Variants in FOXN3 observed in about 807,000 individuals in gnomAD.
FOXN3 encodes the protein forkhead box N3.
Under a neutral mutation model 38.4 loss-of-function variants are expected in FOXN3, and 7 were observed. The observed-to-expected ratio is 0.18, with a 90% CI of 0.10 to 0.34. The LOEUF (loss-of-function observed/expected upper bound fraction) is 0.34. Among genes scored for constraint, FOXN3 ranks in the 10% least tolerant of loss-of-function variants. The pLI is 1.00. For missense variants in FOXN3, 456 were observed against 613.4 expected (o/e 0.74, Z 2.71); for synonymous variants, 230 against 242.2 (o/e 0.95, Z 0.47).
intron 3 of FOXN3, among the ~76,000 whole-genome samples, chr14:89,302,521 A>G (rs1272428334): frequency 6.6e-6 from 1 of 152,190 alleles, no homozygotes; most frequent in Admixed American, 6.5e-5. Flanking sequence ...CATAACCCGA[A>G]AAACCTTAGC....
exon 1 of FOXN3, chr14:89,619,040 G>GC (rs963432730): frequency 3.2e-4 from 49 of 152,290 alleles, no homozygotes; most frequent in Middle Eastern, 6.9e-3. Context: ...TCGATCGCCT[G>GC]CCCCCCCGCT....
intron 4 of FOXN3, among the ~76,000 whole-genome samples, chr14:89,213,880 G>A (rs755305008): frequency 6.6e-6 from 1 of 152,130 alleles, no homozygotes; most frequent in African/African-American, 2.4e-5. Context: ...TTAAGCTATT[G>A]TTTCTTCTAA....
chr14:89,281,973 C>G (rs1886477735), intron 3 of FOXN3, among the ~76,000 whole-genome samples: 1 of 152,154 alleles, frequency 6.6e-6, no homozygotes, highest in Non-Finnish European at 1.5e-5. Flanking sequence ...CAGAAACACA[C>G]ACGCACACAC....
intron 2 of FOXN3, among the ~76,000 whole-genome samples, chr14:89,396,424 A>C (rs1285680111): frequency 1.3e-5 from 2 of 152,246 alleles, no homozygotes; most frequent in East Asian, 3.8e-4. Flanking sequence ...TGGACCCCAG[A>C]TTCTTCATGT....
rs184559136 is a variant in FOXN3, at chr14:89,203,477, G to A, written c.746-22671C>T. Among the ~76,000 whole-genome samples the A allele has an allele frequency of 1.9e-3, 294 of 152,322 alleles. 3 individuals carry two copies. Among genetic ancestry groups the A allele is most frequent in the Non-Finnish European group, 2.0e-3 (137 of 68,022 alleles). On this transcript the variant is annotated intron_variant, in intron 4 of 5. Transcript: ENST00000557258. ...ATAGTGCCCTGTGTCTGTGGCACCC[G>A]AGGGAGGCTGTCTGCCAGGCTAGGT...
At position 89,163,029 on chromosome 14, in the gene FOXN3, C is replaced by T; in HGVS notation, c.852-60G>A. 1.4e-6 allele frequency: 2 copies of T among 1,438,336 alleles called. No homozygotes were observed. Among genetic ancestry groups the T allele is most frequent in the South Asian group, 1.5e-5 (1 of 67,242 alleles). 89.1% of individuals were successfully genotyped at this position (1,438,336 alleles called of 1,614,324 possible). On this transcript the variant is annotated intron_variant, in intron 5 of 5. Coordinates refer to ENST00000557258, the MANE Select transcript of FOXN3 (RefSeq NM_005197.4). The surrounding 1 kb of genome is among the most constrained non-coding windows in gnomAD (Gnocchi z 4.3). ...CAAAGAAGGGACACAGTTAGACGTC[C>T]TCAGATGGGGGCACCCGGCAGCCCG...
intron 4 of FOXN3, among the ~76,000 whole-genome samples, chr14:89,182,989 C>T (rs1192882709): frequency 6.6e-6 from 1 of 152,144 alleles, no homozygotes; most frequent in Non-Finnish European, 1.5e-5. Flanking sequence ...AATGTAGGAA[C>T]TAAAACGATA....
intron 2 of FOXN3, among the ~76,000 whole-genome samples, chr14:89,406,740 G>A (rs1238251732): frequency 6.6e-6 from 1 of 151,204 alleles, no homozygotes; most frequent in Non-Finnish European, 1.5e-5. Flanking sequence ...ACCCTTTGAT[G>A]ACAATGTTTT....
intron 3 of FOXN3, among the ~76,000 whole-genome samples, chr14:89,302,187 T>C (rs1222787180): frequency 2.6e-5 from 4 of 152,218 alleles, no homozygotes; most frequent in Admixed American, 6.5e-5. Flanking sequence ...AGAAAAACTA[T>C]AGAAACATCT....
chr14:89,531,022 CACAT>C (rs1453859885), intron 1 of FOXN3, among the ~76,000 whole-genome samples: 3 of 147,024 alleles, frequency 2.0e-5, no homozygotes, highest in African/African-American at 7.4e-5. Context: ...ATAATATCTA[CACAT>C]ATATAATATA....
intron 1 of FOXN3, among the ~76,000 whole-genome samples, chr14:89,572,861 C>T (rs927213061): frequency 1.3e-5 from 2 of 152,256 alleles, no homozygotes; most frequent in African/African-American, 4.8e-5. Flanking sequence ...GGGGCCCCAG[C>T]TTGGCCTTCC....
chr14:89,466,772 C>T, intron 1 of FOXN3, among the ~76,000 whole-genome samples: 1 of 152,166 alleles, frequency 6.6e-6, no homozygotes, highest in Admixed American at 6.5e-5. Flanking sequence ...GTACCACTCC[C>T]TTTGGGTTTT....
chr14:89,400,360 T>C (rs1891214503), intron 2 of FOXN3, among the ~76,000 whole-genome samples: 1 of 152,212 alleles, frequency 6.6e-6, no homozygotes, highest in Non-Finnish European at 1.5e-5. Context: ...CTATGCACTG[T>C]GTTTCAGATT....
chr14:89,201,350 G>A (rs748695339), intron 4 of FOXN3, among the ~76,000 whole-genome samples: 20 of 152,160 alleles, frequency 1.3e-4, no homozygotes, highest in Non-Finnish European at 2.5e-4. Context: ...GATTAATGCC[G>A]AAGCCCTCTA....
At chr14:89,440,794 G>C (rs1566657244) in intron 1 of FOXN3, among the ~76,000 whole-genome samples, 1 of 152,190 alleles carries the variant, frequency 6.6e-6, no homozygotes, top group East Asian at 1.9e-4. Flanking sequence ...TCACACAGAT[G>C]CCATGAAAAG....
intron 1 of FOXN3, among the ~76,000 whole-genome samples, chr14:89,553,238 C>CAAAAAAA (rs146581490): frequency 3.8e-5 from 3 of 79,034 alleles, no homozygotes; most frequent in Admixed American, 1.8e-4. Flanking sequence ...GACCCTGTCC[C>CAAAAAAA]AAAAAAAAAA....
At chr14:89,491,670 T>A (rs1420382308) in intron 1 of FOXN3, among the ~76,000 whole-genome samples, 4 of 152,366 alleles carry the variant, frequency 2.6e-5, no homozygotes, top group Admixed American at 6.5e-5. Context: ...AGACTCCAGA[T>A]GAGCTCTGCC....
At chr14:89,555,306 T>C (rs565018083) in intron 1 of FOXN3, among the ~76,000 whole-genome samples, 1 of 152,344 alleles carries the variant, frequency 6.6e-6, no homozygotes, top group African/African-American at 2.4e-5. Flanking sequence ...GCAATTAATA[T>C]GATCAATTTG....
intron 2 of FOXN3, among the ~76,000 whole-genome samples, chr14:89,365,364 G>A (rs777910604): frequency 6.6e-6 from 1 of 152,106 alleles, no homozygotes; most frequent in Non-Finnish European, 1.5e-5. Context: ...CGCTAACAAC[G>A]ATCAATCATA....
Sources: allele counts gnomAD v4.1 joint callset (sites outside exome capture counted in the v4.1 genomes callset), GRCh38; gene constraint gnomAD v4.1.1; non-coding constraint Gnocchi (gnomAD v3.1); transcripts MANE v1.5; gene names NCBI Gene and HGNC (gene_info 2026-07-23, HGNC 2026-07-21).